Variants in ABTB2 observed in about 807,000 individuals in gnomAD.
ABTB2 encodes ankyrin repeat and BTB/POZ domain-containing protein 2.
In ABTB2, 56 loss-of-function variants were observed where a neutral mutation model predicts 104.1. The ratio of observed to expected loss-of-function variants is 0.54; its 90% confidence interval spans 0.43 to 0.67. The LOEUF (loss-of-function observed/expected upper bound fraction) is 0.67. Among genes scored for constraint, ABTB2 ranks in the 30% least tolerant of loss-of-function variants. The probability of loss-of-function intolerance (pLI) is 0.00; values close to 1 mark genes in which losing one functional copy is unlikely to be tolerated. For synonymous variants in ABTB2, 606 were observed against 608.2 expected, an observed-to-expected ratio of 1.00 and a Z score of 0.05; for missense variants, 1,279 against 1,407.7, an observed-to-expected ratio of 0.91 and a Z score of 1.46.
At chr11:34,293,513 GAGA>G (rs1268997794) in intron 1 of ABTB2, among the ~76,000 whole-genome samples, 1 of 152,180 alleles carries the variant, frequency 6.6e-6, no homozygotes, top group African/African-American at 2.4e-5. Flanking sequence ...AAAAGGGGCT[GAGA>G]AGGAGAAGCC....
intron 14 of ABTB2, among the ~76,000 whole-genome samples, chr11:34,157,508 C>T (rs1027769803): frequency 6.6e-6 from 1 of 152,216 alleles, no homozygotes; most frequent in African/African-American, 2.4e-5. Context: ...AGTGCGCTCC[C>T]CAGTCTCCAG....
At chr11:34,288,935 C>T (rs1367302624) in intron 1 of ABTB2, among the ~76,000 whole-genome samples, 2 of 152,194 alleles carry the variant, frequency 1.3e-5, no homozygotes, top group Non-Finnish European at 1.5e-5. Context: ...CCAATCCCTA[C>T]CTCTGCCTTC....
intron 5 of ABTB2, among the ~76,000 whole-genome samples, chr11:34,170,501 T>C (rs1032533791): frequency 1.3e-5 from 2 of 152,156 alleles, no homozygotes; most frequent in Admixed American, 6.5e-5. Flanking sequence ...TTCTTATCTG[T>C]CTCCTGCACT....
chr11:34,230,209 G>A (rs893864313), intron 1 of ABTB2, among the ~76,000 whole-genome samples: 13 of 152,172 alleles, frequency 8.5e-5, no homozygotes, highest in South Asian at 2.1e-4. Context: ...CAGGGGGACC[G>A]GTGACCTTGG....
chr11:34,311,504 C>T (rs1049372750), intron 1 of ABTB2, among the ~76,000 whole-genome samples: 3 of 152,194 alleles, frequency 2.0e-5, no homozygotes, highest in Non-Finnish European at 2.9e-5. Context: ...CGGCCACTCT[C>T]GGAACCAGAT....
intron 3 of ABTB2, among the ~76,000 whole-genome samples, chr11:34,189,925 G>A (rs1853150249): frequency 3.3e-5 from 5 of 152,134 alleles, no homozygotes; most frequent in Admixed American, 3.3e-4. Flanking sequence ...CTATGAAGTT[G>A]ACACTATTAA....
intron 3 of ABTB2, among the ~76,000 whole-genome samples, chr11:34,180,425 C>A (rs1414845096): frequency 6.6e-6 from 1 of 152,194 alleles, no homozygotes; most frequent in Non-Finnish European, 1.5e-5. Flanking sequence ...GGATCAGCAA[C>A]CCCTGATCTG....
chr11:34,294,233 G>A (rs576468466), intron 1 of ABTB2, among the ~76,000 whole-genome samples: 183 of 152,302 alleles, frequency 1.2e-3, no homozygotes, highest in African/African-American at 4.2e-3. Context: ...AGGAGGCTGA[G>A]GTGGGATGGT....
chr11:34,161,345 T>C (rs1565128016), intron 10 of ABTB2, among the ~76,000 whole-genome samples: 1 of 152,184 alleles, frequency 6.6e-6, no homozygotes, highest in African/African-American at 2.4e-5. Flanking sequence ...GGTGGAGGAA[T>C]GGCTTCGGCC....
rs183241718 is a variant in ABTB2, at chr11:34,198,252, C to T, written c.1031-714G>A. ...CCAGCCTGGCCAACATGGTGAAACCCTGTCTCTACTTAAAATACAAAAAAT... is the reference window on the plus strand; with the variant it reads ...CCAGCCTGGCCAACATGGTGAAACCTTGTCTCTACTTAAAATACAAAAAAT... On this transcript the variant is annotated intron_variant, in intron 2 of 16. Coordinates refer to ENST00000435224, the MANE Select transcript of ABTB2 (RefSeq NM_145804.3). Among the ~76,000 whole-genome samples, 128 of 152,232 alleles carry T rather than the reference C, an allele frequency of 8.4e-4. 1 individual carries two copies. Among genetic ancestry groups the T allele is most frequent in the African/African-American group, 2.7e-3 (113 of 41,534 alleles).
rs142354103 is a variant in ABTB2 at position 34,330,383 on chromosome 11, A to G, written c.883+26318T>C. Among the ~76,000 whole-genome samples the G allele has an allele frequency of 3.2e-3, 481 of 152,338 alleles. 6 individuals carry two copies. The highest frequency in any genetic ancestry group is 0.011 in the African/African-American group (442 of 41,582). On this transcript the variant is annotated intron_variant, in intron 1 of 16. Transcript: ENST00000435224. ...TCTTTGTAAAATGGGAACAAATCAG[A>G]GTATTGTTGCACAGAGTTATTTTAA... is the stretch of plus-strand genomic sequence containing the variant.
intron 1 of ABTB2, among the ~76,000 whole-genome samples, chr11:34,314,359 G>A (rs373109225): frequency 1.3e-5 from 2 of 152,204 alleles, no homozygotes; most frequent in African/African-American, 4.8e-5. Flanking sequence ...CGATGAGGGC[G>A]GGACCAGGTC....
chr11:34,264,918 T>G (rs1187610060), intron 1 of ABTB2, among the ~76,000 whole-genome samples: 1 of 152,150 alleles, frequency 6.6e-6, no homozygotes, highest in East Asian at 1.9e-4. Flanking sequence ...ACAATATCTC[T>G]CCTATTCAAT....
At chr11:34,160,205 G>A (rs1852689665) in intron 12 of ABTB2, 43 bp downstream of exon 12, 1 of 1,507,634 alleles carries the variant, frequency 6.6e-7, no homozygotes, top group African/African-American at 1.4e-5. Context: ...GGGAAGAGGG[G>A]GAGGACGTGT....
rs1383571502 is a variant in ABTB2 at position 34,357,795 on chromosome 11, GA to G, written c.-213del. 17 of 534,428 alleles carry G rather than the reference GA, an allele frequency of 3.2e-5. No individual in the cohort carries two copies. The East Asian group carries it at 4.8e-4, about 15-fold the overall frequency. 33.1% of individuals were successfully genotyped at this position (534,428 alleles called of 1,614,324 possible). On this transcript the variant is annotated 5_prime_UTR_variant, in exon 1 of 17. Transcript: ENST00000435224. ...AGGAGCCCCACGCTCCCGGCGTCCC[GA>G]CTCGCAGCTGCCACTGGAAAGAACC...
chr11:34,195,870 G>A (rs372599894), intron 3 of ABTB2, among the ~76,000 whole-genome samples: 5 of 152,230 alleles, frequency 3.3e-5, no homozygotes, highest in African/African-American at 1.2e-4. Flanking sequence ...GGATCACAGA[G>A]CTGATGAGAC....
At chr11:34,297,766 C>CAAAAAA (rs1171577510) in intron 1 of ABTB2, among the ~76,000 whole-genome samples, 7 of 15,986 alleles carry the variant, frequency 4.4e-4, no homozygotes, top group Middle Eastern at 0.026. Context: ...AACTCCATCT[C>CAAAAAA]AAAAAAAAAA....
intron 1 of ABTB2, among the ~76,000 whole-genome samples, chr11:34,310,068 A>G (rs1854831080): frequency 2.0e-5 from 3 of 152,134 alleles, no homozygotes. Context: ...TATTACATTG[A>G]GCAATCGCCC....
intron 1 of ABTB2, among the ~76,000 whole-genome samples, chr11:34,306,370 C>T (rs1372145744): frequency 6.6e-6 from 1 of 150,586 alleles, no homozygotes; most frequent in African/African-American, 2.4e-5. Flanking sequence ...CCTCAGCCTC[C>T]TGAGTAACTG....
Sources: gnomAD v4.1 joint callset for allele counts (sites outside exome capture counted in the v4.1 genomes callset) on GRCh38, gnomAD v4.1.1 for gene constraint, MANE v1.5 for transcripts, NCBI Gene and HGNC (gene_info 2026-07-23, HGNC 2026-07-21) for gene names.